CHN1: variants seen among roughly 807,000 people sequenced by gnomAD.
CHN1 encodes the protein chimerin 1, also known as N-chimaerin.
A neutral mutation model predicts 59.5 loss-of-function variants in CHN1; 37 were observed. That is an observed-to-expected ratio of 0.62 (90% confidence interval 0.48 to 0.82). CHN1 has a LOEUF of 0.82. CHN1 is among the 40% of genes least tolerant of loss of function. The probability of loss-of-function intolerance (pLI) is 0.00; values close to 1 mark genes in which losing one functional copy is unlikely to be tolerated. For synonymous variants in CHN1, 206 were observed against 200.4 expected, an observed-to-expected ratio of 1.03 and a Z score of -0.24; for missense variants, 469 against 571.0, an observed-to-expected ratio of 0.82 and a Z score of 1.82.
chr2:174,881,277 T>TC (rs1381853750), intron 5 of CHN1, among the ~76,000 whole-genome samples: 2 of 152,124 alleles, frequency 1.3e-5, no homozygotes, highest in African/African-American at 4.8e-5. Context: ...TACAAAAGCA[T>TC]CCTTGCAGTC....
At chr2:174,963,926 T>C (rs997285336) in intron 1 of CHN1, among the ~76,000 whole-genome samples, 4 of 152,190 alleles carry the variant, frequency 2.6e-5, no homozygotes, top group Non-Finnish European at 5.9e-5. Context: ...GTGTGAGACA[T>C]TCTCCTCGAG....
chr2:174,874,775 T>C (rs1321110859), intron 6 of CHN1, among the ~76,000 whole-genome samples: 1 of 152,048 alleles, frequency 6.6e-6, no homozygotes, highest in Non-Finnish European at 1.5e-5. Context: ...CAAATAAGTA[T>C]GAGAGCACTC....
At chr2:174,836,872 T>A (rs1223370043) in intron 7 of CHN1, among the ~76,000 whole-genome samples, 2 of 152,194 alleles carry the variant, frequency 1.3e-5, no homozygotes, top group Non-Finnish European at 2.9e-5. Context: ...TCTTTGAGGC[T>A]GACTAGAATC....
chr2:174,872,118 C>T (rs1428555903), intron 6 of CHN1, among the ~76,000 whole-genome samples: 2 of 151,970 alleles, frequency 1.3e-5, no homozygotes, highest in South Asian at 2.1e-4. Flanking sequence ...CTCATCTCTA[C>T]AAAAAAATAC....
chr2:174,817,265 G>T (rs1442973210), intron 8 of CHN1, among the ~76,000 whole-genome samples: 1 of 152,040 alleles, frequency 6.6e-6, no homozygotes, highest in Non-Finnish European at 1.5e-5. Flanking sequence ...TCCCCTTATA[G>T]ATATCTATAT....
intron 5 of CHN1, among the ~76,000 whole-genome samples, chr2:174,886,047 A>G (rs1687883984): frequency 1.3e-5 from 2 of 152,228 alleles, no homozygotes; most frequent in African/African-American, 4.8e-5. Flanking sequence ...AAATGAGGTT[A>G]CTACTATGTC....
At chr2:175,001,350 A>T (rs1397674929) in intron 1 of CHN1, among the ~76,000 whole-genome samples, 1 of 152,236 alleles carries the variant, frequency 6.6e-6, no homozygotes, top group Non-Finnish European at 1.5e-5. Context: ...ATACATTTTA[A>T]TTTCAGGACA....
chr2:174,884,462 T>G (rs1687833811), intron 5 of CHN1, among the ~76,000 whole-genome samples: 1 of 152,028 alleles, frequency 6.6e-6, no homozygotes, highest in Admixed American at 6.5e-5. Flanking sequence ...CTGGCAAAAT[T>G]TAACAAGCCT....
intron 2 of CHN1, among the ~76,000 whole-genome samples, chr2:174,948,134 T>TG (rs1689900852): frequency 6.6e-6 from 1 of 152,214 alleles, no homozygotes; most frequent in South Asian, 2.1e-4. Context: ...ATTGGTATCT[T>TG]GAAGTCAAAA....
At chr2:174,830,640 T>C (rs1303602805) in intron 7 of CHN1, among the ~76,000 whole-genome samples, 1 of 152,090 alleles carries the variant, frequency 6.6e-6, no homozygotes, top group Admixed American at 6.5e-5. Flanking sequence ...GCAGAAGAAA[T>C]GCACCAGGCA....
rs1424133894 is a variant in CHN1, at chr2:174,877,893, C to G, written c.496G>C (p.Glu166Gln). ...GTAGAATCTCTCTCATCATGTGTCT[C>G]TTTCAGGACTGGCATATGTTTTTTG... ...AYKKHMPVLK[E>Q]THDERDSTGQ... Residue 166 changes from glutamate to glutamine, a missense_variant, in exon 6 of 13, where the codon GAG becomes CAG. Glu to Gln is a conservative substitution (Grantham distance 29). Around this residue, in one of 5 missense-constraint regions of CHN1, gnomAD observed 81 missense variants for 71.7 expected, o/e 1.13. Coordinates refer to ENST00000409900, the MANE Select transcript of CHN1 (RefSeq NM_001822.7). 28 of 1,613,726 alleles carry G rather than the reference C, an allele frequency of 1.7e-5. No homozygotes were observed. Among genetic ancestry groups the G allele is most frequent in the Non-Finnish European group, 2.3e-5 (27 of 1,179,796 alleles).
At chr2:174,953,045 C>T (rs1690075434) in intron 1 of CHN1, among the ~76,000 whole-genome samples, 4 of 152,112 alleles carry the variant, frequency 2.6e-5, no homozygotes, top group African/African-American at 4.8e-5. Flanking sequence ...TATATAGCCA[C>T]GACTGCAGAA....
chr2:174,877,239 G>A (rs1687593972), intron 6 of CHN1, among the ~76,000 whole-genome samples: 1 of 151,982 alleles, frequency 6.6e-6, no homozygotes, highest in African/African-American at 2.4e-5. Context: ...AACTTAAATT[G>A]TCTTTTAGAA....
At chr2:174,849,149 G>A (rs1442380831) in intron 6 of CHN1, among the ~76,000 whole-genome samples, 3 of 152,116 alleles carry the variant, frequency 2.0e-5, no homozygotes, top group Non-Finnish European at 4.4e-5. Context: ...TTTTTCTTGA[G>A]TATTTTTGAT....
In CHN1 at chr2:175,004,880, A is replaced by T; in HGVS notation, c.19+14T>A. ...GGCCCACCTGCGGCGGCGCGGGGAGACGGCTGCACTTACCAAACAGGGTCA... is the reference window on the plus strand; with the variant it reads ...GGCCCACCTGCGGCGGCGCGGGGAGTCGGCTGCACTTACCAAACAGGGTCA... On this transcript the variant is annotated intron_variant, in intron 1 of 12. Coordinates refer to ENST00000409900, the MANE Select transcript of CHN1 (RefSeq NM_001822.7). 2 of 1,392,022 alleles carry T rather than the reference A, an allele frequency of 1.4e-6. No homozygotes were observed. The highest frequency in any genetic ancestry group is 1.9e-6 in the Non-Finnish European group (2 of 1,063,332). The allele number at this position is 1,392,022 out of a possible 1,614,324, so 86.2% of individuals were successfully genotyped here.
intron 1 of CHN1, among the ~76,000 whole-genome samples, chr2:174,960,496 C>G (rs1396056660): frequency 6.6e-6 from 1 of 152,184 alleles, no homozygotes; most frequent in African/African-American, 2.4e-5. Context: ...TCTCAGAAAT[C>G]TGGATTCTAA....
At chr2:174,883,419 A>G (rs118004979) in intron 5 of CHN1, among the ~76,000 whole-genome samples, 2 of 152,216 alleles carry the variant, frequency 1.3e-5, no homozygotes, top group South Asian at 4.1e-4. Context: ...CCATGAGGCT[A>G]TCGGAAGGCT....
intron 3 of CHN1, among the ~76,000 whole-genome samples, chr2:174,944,627 T>C (rs981474538): frequency 1.3e-5 from 2 of 152,192 alleles, no homozygotes; most frequent in African/African-American, 4.8e-5. Context: ...AAACACAATG[T>C]ATGAATTAAC....
chr2:174,994,187 T>A (rs531439605), intron 1 of CHN1, among the ~76,000 whole-genome samples: 2 of 152,218 alleles, frequency 1.3e-5, no homozygotes, highest in Admixed American at 6.5e-5. Context: ...TGCTGGTGGT[T>A]AGTAATATTA....
Sources: allele counts gnomAD v4.1 joint callset (sites outside exome capture counted in the v4.1 genomes callset), GRCh38; gene constraint gnomAD v4.1.1; regional missense constraint gnomAD v4.1.1; transcripts MANE v1.5; gene names NCBI Gene and HGNC (gene_info 2026-07-23, HGNC 2026-07-21).